Variants in COQ8A observed in about 807,000 individuals in gnomAD.
COQ8A encodes the protein atypical kinase COQ8A, mitochondrial.
A neutral mutation model predicts 65.0 loss-of-function variants in COQ8A; 51 were observed. That is an observed-to-expected ratio of 0.78 (90% CI 0.63 to 0.99). The LOEUF (loss-of-function observed/expected upper bound fraction) is 0.99. Among genes scored for constraint, COQ8A ranks in the 50% least tolerant of loss-of-function variants. The pLI is 0.00. For missense variants in COQ8A, 940 were observed against 875.0 expected (o/e 1.07, Z -0.94); for synonymous variants, 371 against 353.2 (o/e 1.05, Z -0.57).
At chr1:226,959,367 C>A (rs953510898) in intron 1 of COQ8A, among the ~76,000 whole-genome samples, 9 of 151,720 alleles carry the variant, frequency 5.9e-5, no homozygotes, top group African/African-American at 2.2e-4. Flanking sequence ...CATGATTATG[C>A]CTGTGAACAG....
In COQ8A at chr1:226,984,034, T is replaced by C. The variant is rs1224090559; in HGVS notation, c.1257-60T>C. 3.0e-5 allele frequency: 38 copies of C among 1,279,214 alleles called. No homozygotes were observed. The Admixed American group carries it at 4.3e-4, about 14-fold the overall frequency. 79.2% of individuals were successfully genotyped at this position (1,279,214 alleles called of 1,614,324 possible). A position where few individuals can be genotyped will look rare whatever the true frequency, so the allele number is the denominator to read the frequency against. The stretch of plus-strand genomic sequence containing the variant: ...CCTCTGCCTGGTTGGGGGGTGTGTG[T>C]GGGGGGGGGGACGGTGTGGAGGGCC... On this transcript the variant is annotated intron_variant, in intron 10 of 14. Transcript: ENST00000366777.
In COQ8A at chr1:226,987,520, T is replaced by TAATA. The variant is rs1287977429; in HGVS notation, c.*786_*789dup. 6.7e-6 allele frequency: 1 copy of TAATA among 148,694 alleles called. No homozygotes were observed. The highest frequency in any genetic ancestry group is 1.9e-4 in the East Asian group (1 of 5,168). 9.2% of individuals were successfully genotyped at this position (148,694 alleles called of 1,614,324 possible). A position where few individuals can be genotyped will look rare whatever the true frequency, so the allele number is the denominator to read the frequency against. ...ATCGAATCAACAACTTGTTTCAATTTAATAAAAATGCTCATGGGAAGTGCT... is the reference window on the plus strand; with the variant it reads ...ATCGAATCAACAACTTGTTTCAATTTAATAAATAAAAATGCTCATGGGAAGTGCT... On this transcript the variant is annotated 3_prime_UTR_variant, in exon 15 of 15. Transcript: ENST00000366777.
intron 1 of COQ8A, among the ~76,000 whole-genome samples, chr1:226,959,035 G>C (rs1371193585): frequency 1.3e-5 from 2 of 152,056 alleles, no homozygotes; most frequent in Non-Finnish European, 2.9e-5. Flanking sequence ...TGTGTGCCTG[G>C]TTCTTGGTAC....
In COQ8A at chr1:226,965,756, C is replaced by G; in HGVS notation, c.655+19C>G. On this transcript the variant is annotated intron_variant, in intron 4 of 14. Transcript: ENST00000366777. ...TTCGGAGGTAAGGTGGCTGTGTGCC[C>G]CTGGACTGCCTCACCTGCCCTGCCT... 1.9e-6 allele frequency: 3 copies of G among 1,612,160 alleles called. No homozygotes were observed. Among genetic ancestry groups the G allele is most frequent in the Non-Finnish European group, 1.7e-6 (2 of 1,179,260 alleles).
At chr1:226,979,491 C>A (rs1368347371) in intron 5 of COQ8A, among the ~76,000 whole-genome samples, 1 of 152,118 alleles carries the variant, frequency 6.6e-6, no homozygotes, top group Non-Finnish European at 1.5e-5. Flanking sequence ...CTCAATGCCT[C>A]TGGAGTTCTG....
chr1:226,982,926 G>T lies in COQ8A; in HGVS notation c.972G>T (p.Trp324Cys), dbSNP rs1350444582. Residue 324 changes from tryptophan to cysteine, a missense_variant, in exon 8 of 15, where the codon TGG becomes TGT. Transcript: ENST00000366777. ...KTLNNDLGPN[W>C]RDKLEYFEER... ...TCAACAACGACCTGGGCCCCAACTGGCGGGACAAGTTGGAATACTTCGAGG... is the reference window on the plus strand; with the variant it reads ...TCAACAACGACCTGGGCCCCAACTGTCGGGACAAGTTGGAATACTTCGAGG... The T allele has an allele frequency of 1.9e-6, 3 of 1,612,240 alleles. No individual in the cohort carries two copies. The African/African-American group carries it at 4.0e-5, about 22-fold the overall frequency.
intron 1 of COQ8A, among the ~76,000 whole-genome samples, chr1:226,941,639 G>A (rs1310192036): frequency 2.0e-5 from 3 of 152,070 alleles, no homozygotes; most frequent in Non-Finnish European, 4.4e-5. Flanking sequence ...GCCGGATGTG[G>A]TGGCGGGCGC....
intron 1 of COQ8A, among the ~76,000 whole-genome samples, chr1:226,942,993 C>T (rs1302714052): frequency 6.6e-6 from 1 of 152,194 alleles, no homozygotes; most frequent in Non-Finnish European, 1.5e-5. Flanking sequence ...GGAAAACCAT[C>T]CTAAGCCTAT....
intron 1 of COQ8A, among the ~76,000 whole-genome samples, chr1:226,955,484 G>C (rs1309079447): frequency 5.1e-4 from 46 of 90,214 alleles, no homozygotes; most frequent in Middle Eastern, 0.01. Context: ...CTCCCTGGCT[G>C]CCACTCTCTC....
chr1:226,978,781 C>T (rs1270280340), intron 5 of COQ8A, among the ~76,000 whole-genome samples: 1 of 108,090 alleles, frequency 9.3e-6, no homozygotes, highest in Non-Finnish European at 2.2e-5. Context: ...CCTCCGTACA[C>T]ACCCACCTCT....
intron 4 of COQ8A, among the ~76,000 whole-genome samples, chr1:226,976,488 G>A (rs369316793): frequency 6.6e-6 from 1 of 152,202 alleles, no homozygotes. Flanking sequence ...TCCGAGGCCG[G>A]CTCATCGTGC....
chr1:226,952,968 G>A (rs1183477575), intron 1 of COQ8A, among the ~76,000 whole-genome samples: 2 of 151,982 alleles, frequency 1.3e-5, no homozygotes, highest in African/African-American at 4.8e-5. Flanking sequence ...TTTATTTCCC[G>A]GGAATATATA....
chr1:226,984,887 G>A lies in COQ8A; in HGVS notation c.1518G>A (p.Leu506=), dbSNP rs1259658133. ...GTCTCTGTCCCCAGGTGGCTCTTTTGGATTTTGGGGCAACGCGGGAATATG... is the reference window on the plus strand; with the variant it reads ...GTCTCTGTCCCCAGGTGGCTCTTTTAGATTTTGGGGCAACGCGGGAATATG... The part of the protein sequence containing the change: ...YDPQQHKVAL[L]DFGATREYDR... Residue 506 remains leucine, a synonymous_variant, in exon 13 of 15, where the codon TTG becomes TTA. Coordinates refer to ENST00000366777, the MANE Select transcript of COQ8A (RefSeq NM_020247.5). 6.2e-7 allele frequency: 1 copy of A among 1,614,168 alleles called. No individual in the cohort carries two copies. Among genetic ancestry groups the A allele is most frequent in the Admixed American group, 1.7e-5 (1 of 60,020 alleles).
intron 1 of COQ8A, chr1:226,958,253 AC>A (rs1264038427): frequency 1.3e-5 from 2 of 152,048 alleles, no homozygotes; most frequent in African/African-American, 4.8e-5. Context: ...AAGACTATCA[AC>A]CCCACAAAAG....
chr1:226,953,255 C>G (rs147805246), intron 1 of COQ8A, among the ~76,000 whole-genome samples: 1 of 152,184 alleles, frequency 6.6e-6, no homozygotes, highest in East Asian at 1.9e-4. Context: ...GTCTTGAACT[C>G]CTGACTTCGT....
At position 226,974,515 on chromosome 1, in the gene COQ8A, G is replaced by T. The variant is rs546055342; in HGVS notation, c.656-2934G>T. Among the ~76,000 whole-genome samples, 6 of 152,346 alleles carry T rather than the reference G, an allele frequency of 3.9e-5. No individual in the cohort carries two copies. In the South Asian group the frequency reaches 1.2e-3, roughly 32 times the overall value. On this transcript the variant is annotated intron_variant, in intron 4 of 14. Coordinates refer to ENST00000366777, the MANE Select transcript of COQ8A (RefSeq NM_020247.5). Reference sequence around the variant, plus strand: ...GAGTGGGGTCCCACGAGGACCCGGGGAGTGCCGGCTGAGGTGCTCATCTTC... The same window carrying T: ...GAGTGGGGTCCCACGAGGACCCGGGTAGTGCCGGCTGAGGTGCTCATCTTC...
intron 1 of COQ8A, 130 bp from the exon 2 acceptor site, chr1:226,961,247 A>T: frequency 1.0e-6 from 1 of 966,912 alleles, no homozygotes; most frequent in Non-Finnish European, 1.6e-6. Context: ...CTTATCTCTT[A>T]GCAGAAGGGG....
chr1:226,964,101 C>A (rs545427505), intron 2 of COQ8A, among the ~76,000 whole-genome samples: 1 of 152,220 alleles, frequency 6.6e-6, no homozygotes, highest in Non-Finnish European at 1.5e-5. Flanking sequence ...TCTTAGACAG[C>A]AGAACGTGAG....
At chr1:226,978,190 C>G (rs1659382172) in intron 5 of COQ8A, among the ~76,000 whole-genome samples, 1 of 149,778 alleles carries the variant, frequency 6.7e-6, no homozygotes, top group Admixed American at 6.6e-5. Flanking sequence ...CTCCACACAC[C>G]CACCTCATAC....
Sources: gnomAD v4.1 joint callset for allele counts (sites outside exome capture counted in the v4.1 genomes callset) on GRCh38, gnomAD v4.1.1 for gene constraint, MANE v1.5 for transcripts, NCBI Gene and HGNC (gene_info 2026-07-23, HGNC 2026-07-21) for gene names.